BCL11A: variants seen among roughly 807,000 people sequenced by gnomAD.
BCL11A encodes the protein B cell CLL/lymphoma 11A.
In BCL11A, 2 loss-of-function variants were observed where a neutral mutation model predicts 55.9. That is an observed-to-expected ratio of 0.04 (90% CI 0.01 to 0.11). The LOEUF (loss-of-function observed/expected upper bound fraction) is 0.11. Among genes scored for constraint, BCL11A ranks in the 10% least tolerant of loss-of-function variants. BCL11A has a pLI of 1.00. For missense variants in BCL11A, 817 were observed against 1,137.1 expected (o/e 0.72, Z 4.05); for synonymous variants, 465 against 473.4 (o/e 0.98, Z 0.23).
intron 2 of BCL11A, among the ~76,000 whole-genome samples, chr2:60,481,407 C>CG (rs1558632119): frequency 4.6e-5 from 7 of 152,304 alleles, no homozygotes; most frequent in Admixed American, 3.9e-4. Flanking sequence ...CCAGGCCCTT[C>CG]GCACCTCTGC....
At chr2:60,529,423 C>G (rs1177502242) in intron 2 of BCL11A, among the ~76,000 whole-genome samples, 1 of 152,208 alleles carries the variant, frequency 6.6e-6, no homozygotes, top group Non-Finnish European at 1.5e-5. Flanking sequence ...AATGGTATTA[C>G]TTCTTTACCC....
intron 2 of BCL11A, chr2:60,525,654 C>T (rs1412358805): frequency 6.6e-6 from 1 of 152,130 alleles, no homozygotes; most frequent in Non-Finnish European, 1.5e-5. Flanking sequence ...ATCTATTTTA[C>T]CTACTTTACA....
chr2:60,497,103 A>T (rs1011218260), intron 2 of BCL11A, among the ~76,000 whole-genome samples: 1 of 152,226 alleles, frequency 6.6e-6, no homozygotes, highest in Non-Finnish European at 1.5e-5. Flanking sequence ...TTGGCCAACC[A>T]ATTCTAATTC....
chr2:60,538,322 C>G (rs1669762809), intron 2 of BCL11A: 1 of 152,238 alleles, frequency 6.6e-6, no homozygotes, highest in Non-Finnish European at 1.5e-5. Flanking sequence ...TGCGCGTTGC[C>G]TTAGAGGAGC....
At position 60,457,278 on chromosome 2, in the gene BCL11A, C is replaced by T. The variant is rs1203848949; in HGVS notation, c.*3126G>A. ...AATGCAGACAACTGCCAAAAAAACA[C>T]AGACAGTGGTTTTTCCAATAGAACT... is the stretch of plus-strand genomic sequence containing the variant. On this transcript the variant is annotated 3_prime_UTR_variant, in exon 4 of 4. Transcript: ENST00000642384. The T allele has an allele frequency of 6.9e-6, 7 of 1,015,918 alleles. No individual in the cohort carries two copies. Among genetic ancestry groups the T allele is most frequent in the Non-Finnish European group, 8.3e-6 (7 of 847,854 alleles). The allele number at this position is 1,015,918 out of a possible 1,614,324, so 62.9% of individuals were successfully genotyped here. A position where few individuals can be genotyped will look rare whatever the true frequency, so the allele number is the denominator to read the frequency against.
intron 2 of BCL11A, among the ~76,000 whole-genome samples, chr2:60,476,086 T>C (rs1215835965): frequency 6.6e-6 from 1 of 152,312 alleles, no homozygotes; most frequent in East Asian, 1.9e-4. Flanking sequence ...CCAAGAGACC[T>C]ACTATAGGCC....
At chr2:60,514,696 G>A (rs889652362) in intron 2 of BCL11A, among the ~76,000 whole-genome samples, 1 of 151,246 alleles carries the variant, frequency 6.6e-6, no homozygotes, top group South Asian at 2.1e-4. Context: ...AATTGGGTGG[G>A]GGAGTTTCTT....
chr2:60,505,995 C>T (rs1443367225), intron 2 of BCL11A, among the ~76,000 whole-genome samples: 1 of 152,198 alleles, frequency 6.6e-6, no homozygotes, highest in African/African-American at 2.4e-5. Context: ...CCAAATAGGG[C>T]TTTGCAGGGT....
intron 2 of BCL11A, chr2:60,527,339 A>C (rs1267683667): frequency 6.6e-6 from 1 of 152,264 alleles, no homozygotes; most frequent in Non-Finnish European, 1.5e-5. Flanking sequence ...TAGGAGACCC[A>C]GCAAATAAAA....
chr2:60,463,029 A>G (rs1314593653), intron 3 of BCL11A, among the ~76,000 whole-genome samples: 1 of 152,250 alleles, frequency 6.6e-6, no homozygotes, highest in Admixed American at 6.5e-5. Context: ...ATATTGTTAA[A>G]ATGAGAGGGT....
chr2:60,498,130 G>A (rs912221645), intron 2 of BCL11A, among the ~76,000 whole-genome samples: 1 of 151,808 alleles, frequency 6.6e-6, no homozygotes, highest in Non-Finnish European at 1.5e-5. Context: ...GAGAATGGAG[G>A]TGTGGAGGGG....
At chr2:60,519,904 T>C (rs1668903373) in intron 2 of BCL11A, among the ~76,000 whole-genome samples, 2 of 152,258 alleles carry the variant, frequency 1.3e-5, no homozygotes. Context: ...TTCATGGCTA[T>C]GCTTGGATAA....
chr2:60,520,107 G>T (rs1668912490), intron 2 of BCL11A, among the ~76,000 whole-genome samples: 1 of 152,098 alleles, frequency 6.6e-6, no homozygotes, highest in South Asian at 2.1e-4. Context: ...TCTGAAAATT[G>T]AAAAATTCAG....
At chr2:60,529,456 G>A (rs1005103604) in intron 2 of BCL11A, among the ~76,000 whole-genome samples, 2 of 152,102 alleles carry the variant, frequency 1.3e-5, no homozygotes, top group Non-Finnish European at 2.9e-5. Flanking sequence ...ATTTTATTTC[G>A]TGTAATCAAA....
chr2:60,465,531 T>C (rs1173661764), intron 3 of BCL11A, among the ~76,000 whole-genome samples: 1 of 152,212 alleles, frequency 6.6e-6, no homozygotes, highest in African/African-American at 2.4e-5. Flanking sequence ...TGGGAAGGAA[T>C]GACCCCCATT....
At chr2:60,473,507 G>A (rs1219503602) in intron 2 of BCL11A, among the ~76,000 whole-genome samples, 4 of 152,040 alleles carry the variant, frequency 2.6e-5, no homozygotes, top group South Asian at 4.1e-4. Context: ...CATCCTGAAC[G>A]TTTGTAAAGT....
intron 2 of BCL11A, among the ~76,000 whole-genome samples, chr2:60,474,570 C>T (rs949070538): frequency 2.0e-5 from 3 of 152,208 alleles, no homozygotes; most frequent in Non-Finnish European, 2.9e-5. Context: ...ACACTTTAAG[C>T]TTTTGCCTTA....
chr2:60,467,197 G>GGTGGTA (rs1676720487), intron 3 of BCL11A, among the ~76,000 whole-genome samples: 3 of 139,700 alleles, frequency 2.1e-5, no homozygotes, highest in Admixed American at 7.0e-5. Context: ...TGATGGTGGT[G>GGTGGTA]GTGATGGCGG....
In BCL11A at chr2:60,461,959, C is replaced by T; in HGVS notation, c.953G>A (p.Arg318Lys). 1 of 1,614,036 alleles carries T rather than the reference C, an allele frequency of 6.2e-7. No individual in the cohort carries two copies. The highest frequency in any genetic ancestry group is 8.5e-7 in the Non-Finnish European group (1 of 1,180,036). Reference protein sequence around the residue: ...MEPPAMDFSRRLRELAGNTSS... With the variant: ...MEPPAMDFSRKLRELAGNTSS... The stretch of plus-strand genomic sequence containing the variant: ...CGTGTTCCCTGCCAGCTCTCTAAGT[C>T]TCCTAGAGAAATCCATGGCGGGAGG... Residue 318 changes from arginine to lysine, a missense_variant, in exon 4 of 4, where the codon AGA (arginine) becomes AAA (lysine). By Grantham distance (26) the Arg-to-Lys change is conservative. This residue lies in a region of BCL11A where 363 missense variants were observed against 486.6 expected (regional missense o/e 0.75). Coordinates refer to ENST00000642384, the MANE Select transcript of BCL11A (RefSeq NM_022893.4).
Sources: gnomAD v4.1 joint callset for allele counts (sites outside exome capture counted in the v4.1 genomes callset) on GRCh38, gnomAD v4.1.1 for gene constraint, gnomAD v4.1.1 regional missense constraint, MANE v1.5 for transcripts, NCBI Gene and HGNC (gene_info 2026-07-23, HGNC 2026-07-21) for gene names.